ZNF614: variants seen among roughly 807,000 people sequenced by gnomAD.
ZNF614 encodes the protein zinc finger protein 614.
ZNF614 carries 11 observed loss-of-function variants against 12.8 expected under a neutral mutation model. The ratio of observed to expected loss-of-function variants is 0.86; its 90% confidence interval spans 0.54 to 1.43. The LOEUF (loss-of-function observed/expected upper bound fraction) is 1.43, where lower values mean the gene tolerates loss of function less well. Ranked by LOEUF, ZNF614 falls within the 40% of genes most tolerant of loss-of-function variation. The probability of loss-of-function intolerance (pLI) is 0.00; values close to 1 mark genes in which losing one functional copy is unlikely to be tolerated. For synonymous variants in ZNF614, 237 were observed against 237.5 expected (o/e 1.00, Z 0.02); for missense variants, 664 against 708.8 (o/e 0.94, Z 0.72).
chr19:52,026,324 T>G (rs1461410534), intron 1 of ZNF614, among the ~76,000 whole-genome samples: 3 of 152,256 alleles, frequency 2.0e-5, no homozygotes, highest in Non-Finnish European at 4.4e-5. Flanking sequence ...GAGATGCTGT[T>G]AATCTGTAAC....
intron 2 of ZNF614, among the ~76,000 whole-genome samples, chr19:52,023,318 G>A (rs2086945239): frequency 6.6e-6 from 1 of 151,702 alleles, no homozygotes; most frequent in African/African-American, 2.4e-5. Context: ...ATAGGCACGT[G>A]CCACCACGCC....
Position 52,025,823 on chromosome 19 carries a change from G to A in ZNF614, c.-78C>T, listed in dbSNP as rs2086967973. ...CTTCTGCATTTGCCATGAAGTTTTT[G>A]AAGTTTTCCTAGTCAGAAATATTAG... On this transcript the variant is annotated 5_prime_UTR_variant, in exon 2 of 5. Transcript: ENST00000270649. 1.3e-6 allele frequency: 2 copies of A among 1,530,724 alleles called. No individual in the cohort carries two copies. Among genetic ancestry groups the A allele is most frequent in the Non-Finnish European group, 1.8e-6 (2 of 1,120,660 alleles). The allele number at this position is 1,530,724 out of a possible 1,614,324, so 94.8% of individuals were successfully genotyped here.
At chr19:52,022,340 CCCA>C (rs1458932958) in intron 2 of ZNF614, among the ~76,000 whole-genome samples, 1 of 152,022 alleles carries the variant, frequency 6.6e-6, no homozygotes, top group Non-Finnish European at 1.5e-5. Flanking sequence ...TGCCTAGCCG[CCCA>C]CCATCTGGGA....
Position 52,017,074 on chromosome 19 carries a change from G to C in ZNF614, c.524C>G (p.Thr175Ser). 6.2e-7 allele frequency: 1 copy of C among 1,614,150 alleles called. No homozygotes were observed. The highest frequency in any genetic ancestry group is 8.5e-7 in the Non-Finnish European group (1 of 1,180,034). The change falls in exon 5 of 5, where the codon ACT (threonine) becomes AGT (serine). Residue 175 changes from threonine to serine, a missense_variant. Transcript: ENST00000270649. ...TGCATTTTCAGAAAATCTAGTTTTA[G>C]TATGCGTACGTTCATGCTTACCATG... Reference protein sequence around the residue: ...LLHGKHERTHTKTRFSENAKC... With the variant: ...LLHGKHERTHSKTRFSENAKC...
chr19:52,015,892 C>T lies in ZNF614; in HGVS notation c.1706G>A (p.Ser569Asn). 1 of 1,614,032 alleles carries T rather than the reference C, an allele frequency of 6.2e-7. No individual in the cohort carries two copies. The highest frequency in any genetic ancestry group is 2.2e-5 in the East Asian group (1 of 44,882). Residue 569 changes from serine to asparagine, a missense_variant, in exon 5 of 5, where the codon AGT becomes AAT. By Grantham distance (46) the Ser-to-Asn change is conservative. Transcript: ENST00000270649. ...KMHTREMGRI[S>N]QVENSCNGES... The stretch of plus-strand genomic sequence containing the variant: ...TCCATTACAGGAGTTTTCAACTTGA[C>T]TGATTCTACCCATTTCTCTTGTGTG...
rs2086897848 is a variant in ZNF614, at chr19:52,016,432, T to C, written c.1166A>G (p.His389Arg). ...GFTVKSNLIV[H>R]QRSHTGEKSY... ...TTTTTCTCCTGTGTGGGAGCGCTGA[T>C]GTACAATGAGATTGCTCTTCACGGT... Residue 389 changes from histidine to arginine, a missense_variant, in exon 5 of 5, where the codon CAT (histidine) becomes CGT (arginine). His to Arg is a conservative substitution (Grantham distance 29). Transcript: ENST00000270649. The C allele has an allele frequency of 1.9e-6, 3 of 1,614,098 alleles. No individual in the cohort carries two copies. The highest frequency in any genetic ancestry group is 2.2e-5 in the South Asian group (2 of 91,092).
intron 2 of ZNF614, among the ~76,000 whole-genome samples, chr19:52,021,737 A>AT (rs2086934176): frequency 6.8e-6 from 1 of 147,742 alleles, no homozygotes; most frequent in Non-Finnish European, 1.5e-5. Flanking sequence ...TCTCAAATAA[A>AT]GAAAAAAAAA....
At chr19:52,024,539 C>T (rs936746845) in intron 2 of ZNF614, among the ~76,000 whole-genome samples, 12 of 151,922 alleles carry the variant, frequency 7.9e-5, no homozygotes, top group South Asian at 2.1e-4. Context: ...AAGAAGTAGA[C>T]GTAAGAGACT....
Position 52,014,264 on chromosome 19 carries a change from C to T in ZNF614, c.*1576G>A, listed in dbSNP as rs1249939254. The T allele has an allele frequency of 6.6e-6, 1 of 152,092 alleles. No homozygotes were observed. The highest frequency in any genetic ancestry group is 1.5e-5 in the Non-Finnish European group (1 of 68,036). 9.4% of individuals were successfully genotyped at this position (152,092 alleles called of 1,614,324 possible). ...ATTCAATTCTGAACAACTGGGTGTT[C>T]TATAATTCAATTCTGACACTAACTT... On this transcript the variant is annotated 3_prime_UTR_variant, in exon 5 of 5. Coordinates refer to ENST00000270649, the MANE Select transcript of ZNF614 (RefSeq NM_025040.4).
chr19:52,019,058 GAC>G (rs1446675565), intron 2 of ZNF614, among the ~76,000 whole-genome samples: 4 of 152,016 alleles, frequency 2.6e-5, no homozygotes, highest in Admixed American at 2.6e-4. Context: ...TTGTTATGTT[GAC>G]CAGGCTGGTC....
chr19:52,026,288 T>C (rs2123130151), intron 1 of ZNF614, among the ~76,000 whole-genome samples: 1 of 152,368 alleles, frequency 6.6e-6, no homozygotes, highest in Admixed American at 6.5e-5. Context: ...CATTTTGTTC[T>C]GTACTAAGAG....
Position 52,015,903 on chromosome 19 carries a change from C to A in ZNF614, c.1695G>T (p.Met565Ile). Residue 565 changes from methionine (M) to isoleucine (I), a missense_variant, in exon 5 of 5, where the codon ATG (methionine) becomes ATT (isoleucine). Transcript: ENST00000270649. ...VKHKKMHTRE[M>I]GRISQVENSC... ...AGTTTTCAACTTGACTGATTCTACC[C>A]ATTTCTCTTGTGTGCATTTTCTTAT... 6.2e-7 allele frequency: 1 copy of A among 1,614,104 alleles called. No homozygotes were observed. The highest frequency in any genetic ancestry group is 1.1e-5 in the South Asian group (1 of 91,060).
Position 52,015,777 on chromosome 19 carries a change from C to CT in ZNF614, c.*62dup. On this transcript the variant is annotated 3_prime_UTR_variant, in exon 5 of 5. Transcript: ENST00000270649. Reference sequence around the variant, plus strand: ...GAAACACACTGATGTTTAATGAAGTCTGAGTTGCCACAAAAGGCATTTCCA... The same window carrying CT: ...GAAACACACTGATGTTTAATGAAGTCTTGAGTTGCCACAAAAGGCATTTCCA... 1.4e-6 allele frequency: 2 copies of CT among 1,457,754 alleles called. No individual in the cohort carries two copies. The highest frequency in any genetic ancestry group is 2.3e-5 in the East Asian group (1 of 43,968). 90.3% of individuals were successfully genotyped at this position (1,457,754 alleles called of 1,614,324 possible). A position where few individuals can be genotyped will look rare whatever the true frequency, so the allele number is the denominator to read the frequency against.
rs774934749 is a variant in ZNF614, at chr19:52,016,377, G to T, written c.1221C>A (p.Gly407=). Residue 407 remains glycine, a synonymous_variant, in exon 5 of 5, where the codon GGC becomes GGA. Coordinates refer to ENST00000270649, the MANE Select transcript of ZNF614 (RefSeq NM_025040.4). ...TAACGAGAGTGCGTTTGACAGTGAA[G>T]CCTTTTCCACATTCGCTGCATATGT... ...KSYICSECGK[G]FTVKRTLVIH... The T allele has an allele frequency of 3.1e-6, 5 of 1,613,638 alleles. No individual in the cohort carries two copies. In the South Asian group the frequency reaches 5.5e-5, roughly 18 times the overall value.
intron 3 of ZNF614, 74 bp from the exon 4 acceptor site, chr19:52,018,177 T>C: frequency 6.8e-7 from 1 of 1,475,356 alleles, no homozygotes; most frequent in Non-Finnish European, 9.5e-7. Context: ...AATAATACAT[T>C]CGATGAAGAA....
chr19:52,017,252 G>A lies in ZNF614; in HGVS notation c.346C>T (p.Leu116Phe). The part of the protein sequence containing the change: ...GQNTLRNIVH[L>F]SKTHFPIVQN... ...ACTATAGGAAAATGTGTCTTGCTGA[G>A]ATGTACAATATTTCTAAGTGTATTC... The change falls in exon 5 of 5, where the codon CTC becomes TTC. Residue 116 changes from leucine (L) to phenylalanine (F), a missense_variant. Coordinates refer to ENST00000270649, the MANE Select transcript of ZNF614 (RefSeq NM_025040.4). 1 of 1,614,048 alleles carries A rather than the reference G, an allele frequency of 6.2e-7. No individual in the cohort carries two copies. Among genetic ancestry groups the A allele is most frequent in the Non-Finnish European group, 8.5e-7 (1 of 1,180,026 alleles).
In ZNF614 at chr19:52,025,835, G is replaced by C. The variant is rs1349056419; in HGVS notation, c.-90C>G. ...CCATGAAGTTTTTGAAGTTTTCCTA[G>C]TCAGAAATATTAGTGTCCACTTAAA... On this transcript the variant is annotated 5_prime_UTR_variant, in exon 2 of 5. Transcript: ENST00000270649. 5 of 1,442,620 alleles carry C rather than the reference G, an allele frequency of 3.5e-6. No homozygotes were observed. The highest frequency in any genetic ancestry group is 4.8e-6 in the Non-Finnish European group (5 of 1,043,184). 89.4% of individuals were successfully genotyped at this position (1,442,620 alleles called of 1,614,324 possible).
chr19:52,016,998 T>C lies in ZNF614; in HGVS notation c.600A>G (p.Lys200=). The change falls in exon 5 of 5, where the codon AAA becomes AAG. Residue 200 remains lysine, a synonymous_variant. Transcript: ENST00000270649. ...CAATGCATGCATGGGGTTTCTCAAT[T>C]TTCTGAGTCCTCTGATGCTTGAAGA... The part of the protein sequence containing the change: ...FQVFKHQRTQ[K]IEKPHACIEC... 6.2e-7 allele frequency: 1 copy of C among 1,613,950 alleles called. No individual in the cohort carries two copies. The highest frequency in any genetic ancestry group is 1.3e-5 in the African/African-American group (1 of 74,858).
chr19:52,021,991 A>G (rs1341683990), intron 2 of ZNF614, among the ~76,000 whole-genome samples: 1 of 152,210 alleles, frequency 6.6e-6, no homozygotes, highest in Non-Finnish European at 1.5e-5. Flanking sequence ...CAAAGAAACA[A>G]CAAAGAGATG....
Sources: gnomAD v4.1 joint callset for allele counts (sites outside exome capture counted in the v4.1 genomes callset) on GRCh38, gnomAD v4.1.1 for gene constraint, MANE v1.5 for transcripts, NCBI Gene and HGNC (gene_info 2026-07-23, HGNC 2026-07-21) for gene names.